The following CDK8 variants were observed in gnomAD, a reference collection of about 807,000 sequenced individuals.
CDK8 encodes cyclin-dependent kinase 8.
CDK8 carries 29 observed loss-of-function variants against 71.5 expected under a neutral mutation model. That is an observed-to-expected ratio of 0.41 (90% CI 0.30 to 0.55). The LOEUF (loss-of-function observed/expected upper bound fraction) is 0.55, where lower values mean the gene tolerates loss of function less well. Among genes scored for constraint, CDK8 ranks in the 20% least tolerant of loss-of-function variants. The pLI is 0.37. For missense variants in CDK8, 288 were observed against 572.6 expected, an observed-to-expected ratio of 0.50 and a Z score of 5.07; for synonymous variants, 161 against 192.1, an observed-to-expected ratio of 0.84 and a Z score of 1.34.
intron 2 of CDK8, among the ~76,000 whole-genome samples, chr13:26,343,234 C>T (rs1230976455): frequency 2.0e-5 from 3 of 152,156 alleles, no homozygotes; most frequent in East Asian, 3.9e-4. Context: ...AACCTAAACA[C>T]ACCAGGCTGT....
At chr13:26,322,812 T>G (rs1480862224) in intron 1 of CDK8, among the ~76,000 whole-genome samples, 2 of 152,060 alleles carry the variant, frequency 1.3e-5, no homozygotes, top group Non-Finnish European at 2.9e-5. Flanking sequence ...TCTGATCAGG[T>G]CTTGTTAATT....
chr13:26,325,738 G>T (rs1474369590), intron 1 of CDK8, among the ~76,000 whole-genome samples: 1 of 152,084 alleles, frequency 6.6e-6, no homozygotes, highest in Admixed American at 6.5e-5. Context: ...CCGTGCTACC[G>T]ATCTGTTAGG....
intron 6 of CDK8, among the ~76,000 whole-genome samples, chr13:26,387,818 G>A (rs756877460): frequency 2.0e-5 from 3 of 151,920 alleles, no homozygotes; most frequent in African/African-American, 4.8e-5. Context: ...AGAACTTCCC[G>A]GATTACATAG....
intron 1 of CDK8, among the ~76,000 whole-genome samples, chr13:26,267,850 A>G (rs1441326785): frequency 1.3e-5 from 2 of 152,138 alleles, no homozygotes; most frequent in Non-Finnish European, 2.9e-5. Context: ...TTTGCCATGG[A>G]TGATACACTG....
chr13:26,286,524 A>G (rs1087060), intron 1 of CDK8, among the ~76,000 whole-genome samples: 126,346 of 152,212 alleles, frequency 0.83, 54,109 homozygotes, highest in East Asian at 1. Flanking sequence ...AAGATGGAGT[A>G]AAGACTTAAA....
chr13:26,254,873 C>A lies in CDK8; in HGVS notation c.128+104C>A. On this transcript the variant is annotated intron_variant, in intron 1 of 12. Coordinates refer to ENST00000381527, the MANE Select transcript of CDK8 (RefSeq NM_001260.3). The surrounding 1 kb of genome is among the most constrained non-coding windows in gnomAD (Gnocchi z 6.7). Reference sequence around the variant, plus strand: ...GGGCCGCCGGGGTGCCGGGCTCTGACTTCCTCGACGCCGGCCTCTGGCTCC... The same window carrying A: ...GGGCCGCCGGGGTGCCGGGCTCTGAATTCCTCGACGCCGGCCTCTGGCTCC... The A allele has an allele frequency of 6.8e-7, 1 of 1,475,754 alleles. No individual in the cohort carries two copies. Among genetic ancestry groups the A allele is most frequent in the Non-Finnish European group, 9.2e-7 (1 of 1,091,734 alleles). 91.4% of individuals were successfully genotyped at this position (1,475,754 alleles called of 1,614,324 possible). A position where few individuals can be genotyped will look rare whatever the true frequency, so the allele number is the denominator to read the frequency against.
At chr13:26,302,014 G>T (rs1397102580) in intron 1 of CDK8, among the ~76,000 whole-genome samples, 2 of 152,188 alleles carry the variant, frequency 1.3e-5, no homozygotes, top group East Asian at 3.8e-4. Context: ...TGAGGCAAGA[G>T]TGCGGACCCA....
intron 4 of CDK8, among the ~76,000 whole-genome samples, chr13:26,360,923 C>A (rs1394053321): frequency 6.6e-6 from 1 of 152,068 alleles, no homozygotes; most frequent in Non-Finnish European, 1.5e-5. Context: ...TTCCCTCTTA[C>A]TACTCAGAAG....
At chr13:26,258,778 C>T (rs140833107) in intron 1 of CDK8, among the ~76,000 whole-genome samples, 1 of 152,246 alleles carries the variant, frequency 6.6e-6, no homozygotes, top group Non-Finnish European at 1.5e-5. Context: ...CAAACAACCA[C>T]TAAAAAATTT....
At chr13:26,344,319 C>A (rs1565979959) in intron 2 of CDK8, among the ~76,000 whole-genome samples, 1 of 152,132 alleles carries the variant, frequency 6.6e-6, no homozygotes, top group Non-Finnish European at 1.5e-5. Flanking sequence ...TAGGTTGATT[C>A]CATGCTACTG....
chr13:26,399,902 G>GT (rs369655999), intron 9 of CDK8, among the ~76,000 whole-genome samples: 1 of 152,216 alleles, frequency 6.6e-6, no homozygotes, highest in African/African-American at 2.4e-5. Flanking sequence ...TGTAAGTTGT[G>GT]TATCACCATT....
intron 3 of CDK8, among the ~76,000 whole-genome samples, chr13:26,350,550 C>T (rs1442125727): frequency 6.6e-6 from 1 of 152,074 alleles, no homozygotes; most frequent in East Asian, 1.9e-4. Context: ...CTCAGGAAGT[C>T]GAGGCTGCAG....
At chr13:26,263,388 G>C (rs550002590) in intron 1 of CDK8, among the ~76,000 whole-genome samples, 5 of 152,336 alleles carry the variant, frequency 3.3e-5, no homozygotes, top group African/African-American at 1.2e-4. Flanking sequence ...GCCTGCCTCA[G>C]CCTCCCAAGT....
chr13:26,318,962 G>A (rs1874635362), intron 1 of CDK8, among the ~76,000 whole-genome samples: 1 of 152,086 alleles, frequency 6.6e-6, no homozygotes, highest in Non-Finnish European at 1.5e-5. Context: ...GGTCTAGTCA[G>A]AGCAATTAAG....
intron 1 of CDK8, among the ~76,000 whole-genome samples, chr13:26,299,834 G>C (rs1487467002): frequency 1.3e-5 from 2 of 152,142 alleles, no homozygotes; most frequent in African/African-American, 2.4e-5. Flanking sequence ...GGAGTAGCAA[G>C]GGTCAACAAA....
intron 1 of CDK8, among the ~76,000 whole-genome samples, chr13:26,255,360 G>A (rs1366239792): frequency 1.3e-5 from 2 of 152,184 alleles, no homozygotes; most frequent in Non-Finnish European, 2.9e-5. Flanking sequence ...TTTTTACATA[G>A]AACAATGGGG....
chr13:26,277,175 T>G (rs1299288336), intron 1 of CDK8, among the ~76,000 whole-genome samples: 1 of 152,242 alleles, frequency 6.6e-6, no homozygotes, highest in African/African-American at 2.4e-5. Flanking sequence ...TAATAATGCT[T>G]TAGTGTACTG....
chr13:26,354,671 T>C (rs936610864), intron 4 of CDK8, among the ~76,000 whole-genome samples: 6 of 152,070 alleles, frequency 3.9e-5, no homozygotes, highest in African/African-American at 1.2e-4. Context: ...GATTGCACGC[T>C]CCTTATGAGA....
Position 26,331,131 on chromosome 13 carries a change from G to T in CDK8, c.129-6436G>T, listed in dbSNP as rs552980865. ...GTTATCTTTTGTCTTTTTAATGAATGCCATCCTCACCGGGGTAAGATGGTA... is the reference window on the plus strand; with the variant it reads ...GTTATCTTTTGTCTTTTTAATGAATTCCATCCTCACCGGGGTAAGATGGTA... On this transcript the variant is annotated intron_variant, in intron 1 of 12. Coordinates refer to ENST00000381527, the MANE Select transcript of CDK8 (RefSeq NM_001260.3). Among the ~76,000 whole-genome samples, 183 of 152,238 alleles carry T rather than the reference G, an allele frequency of 1.2e-3. 1 individual carries two copies. Among genetic ancestry groups the T allele is most frequent in the African/African-American group, 4.1e-3 (171 of 41,544 alleles).
Sources: allele counts gnomAD v4.1 joint callset (sites outside exome capture counted in the v4.1 genomes callset), GRCh38; gene constraint gnomAD v4.1.1; non-coding constraint Gnocchi (gnomAD v3.1); transcripts MANE v1.5; gene names NCBI Gene and HGNC (gene_info 2026-07-23, HGNC 2026-07-21).